YTHDC2: variants seen among roughly 807,000 people sequenced by gnomAD.
The protein encoded by YTHDC2 is 3'-5' RNA helicase YTHDC2.
Under a neutral mutation model 174.9 loss-of-function variants are expected in YTHDC2, and 45 were observed. That is an observed-to-expected ratio of 0.26 (90% CI 0.20 to 0.33). The LOEUF is 0.33. Ranked by LOEUF, YTHDC2 falls within the 10% of genes least tolerant of loss-of-function variation. YTHDC2 has a pLI of 1.00. For synonymous variants in YTHDC2, 657 were observed against 574.5 expected (o/e 1.14, Z -2.05); for missense variants, 1,650 against 1,723.7 (o/e 0.96, Z 0.76).
intron 4 of YTHDC2, among the ~76,000 whole-genome samples, chr5:113,529,499 T>C (rs1201234840): frequency 6.6e-6 from 1 of 152,180 alleles, no homozygotes; most frequent in African/African-American, 2.4e-5. Flanking sequence ...CATCTTTCTG[T>C]ACTGAAAGTA....
At chr5:113,584,630 T>G in intron 26 of YTHDC2, 151 bp downstream of exon 26, 1 of 656,990 alleles carries the variant, frequency 1.5e-6, no homozygotes, top group African/African-American at 1.8e-5. Flanking sequence ...ACAGTTTGAG[T>G]AAATTTTAAA....
At position 113,581,456 on chromosome 5, in the gene YTHDC2, A is replaced by G. The variant is rs143972697; in HGVS notation, c.3394A>G (p.Ser1132Gly). ...GCTGCAGCTCAGACAGAAGTGGCAT[A>G]GCTTATTTTTACGCCGAATGAGAGC... ...LLLQLRQKWH[S>G]LFLRRMRAPS... The change falls in exon 25 of 30, where the codon AGC (serine) becomes GGC (glycine). Residue 1132 changes from serine (S) to glycine (G), a missense_variant. By Grantham distance (56) the Ser-to-Gly change is moderately conservative. This residue lies in a region of YTHDC2 where 913 missense variants were observed against 940.4 expected (regional missense o/e 0.97). Coordinates refer to ENST00000161863, the MANE Select transcript of YTHDC2 (RefSeq NM_022828.5). The G allele has an allele frequency of 2.7e-5, 43 of 1,612,702 alleles. No homozygotes were observed. In the African/African-American group the frequency reaches 5.1e-4, roughly 19 times the overall value.
intron 18 of YTHDC2, 159 bp downstream of exon 18, chr5:113,561,344 C>A: frequency 2.3e-6 from 1 of 443,530 alleles, no homozygotes; most frequent in Non-Finnish European, 3.8e-6. Flanking sequence ...AATATTTTTT[C>A]TATATAAGAA....
intron 26 of YTHDC2, among the ~76,000 whole-genome samples, chr5:113,590,029 A>G (rs1000938890): frequency 2.6e-5 from 4 of 152,182 alleles, no homozygotes; most frequent in Non-Finnish European, 4.4e-5. Flanking sequence ...GTAAAGAGCT[A>G]GTAAAAATCT....
intron 16 of YTHDC2, among the ~76,000 whole-genome samples, chr5:113,555,689 A>G (rs983917465): frequency 1.3e-5 from 2 of 152,140 alleles, no homozygotes; most frequent in African/African-American, 4.8e-5. Context: ...TATTCTGCAC[A>G]GTGATGCAAA....
At chr5:113,526,508 CA>C (rs1397616331) in intron 3 of YTHDC2, 77 bp from the exon 4 acceptor site, 254 of 1,237,624 alleles carry the variant, frequency 2.1e-4, no homozygotes, top group South Asian at 3.9e-4. Flanking sequence ...CTAGGTTTGG[CA>C]AAAAAAATTA....
At chr5:113,577,593 C>A (rs1321850500) in intron 23 of YTHDC2, among the ~76,000 whole-genome samples, 1 of 152,152 alleles carries the variant, frequency 6.6e-6, no homozygotes, top group African/African-American at 2.4e-5. Context: ...TGGTCTCAAA[C>A]TTCTGTGCTC....
intron 5 of YTHDC2, among the ~76,000 whole-genome samples, chr5:113,533,948 T>C (rs1452859031): frequency 6.6e-6 from 1 of 152,210 alleles, no homozygotes; most frequent in African/African-American, 2.4e-5. Context: ...ACTCAGTATA[T>C]GTAGTATTAG....
chr5:113,545,722 A>G (rs1203325706), intron 10 of YTHDC2, among the ~76,000 whole-genome samples: 1 of 107,830 alleles, frequency 9.3e-6, no homozygotes, highest in Non-Finnish European at 1.8e-5. Flanking sequence ...AAAATAATTG[A>G]TCTCCATTTT....
intron 1 of YTHDC2, 144 bp downstream of exon 1, chr5:113,514,226 G>A (rs1479395210): frequency 9.4e-7 from 1 of 1,058,834 alleles, no homozygotes; most frequent in Non-Finnish European, 1.4e-6. Context: ...GGCCTCAGCG[G>A]CGGCACCCGG....
intron 23 of YTHDC2, among the ~76,000 whole-genome samples, chr5:113,575,048 G>A (rs1777957275): frequency 1.3e-5 from 2 of 149,240 alleles, no homozygotes. Context: ...CATTCTCCAT[G>A]GGTTGATTTG....
At chr5:113,518,559 G>A (rs1773645568) in intron 2 of YTHDC2, among the ~76,000 whole-genome samples, 1 of 3,010 alleles carries the variant, frequency 3.3e-4, no homozygotes, top group Non-Finnish European at 7.0e-4. Context: ...TAGTTTTCGT[G>A]TGTGTGTGTG....
intron 4 of YTHDC2, among the ~76,000 whole-genome samples, chr5:113,528,791 A>T (rs570056978): frequency 1.8e-4 from 28 of 152,254 alleles, no homozygotes; most frequent in African/African-American, 6.7e-4. Context: ...TTACAGGCAT[A>T]AGCCACCATG....
At chr5:113,585,324 G>A (rs1454537018) in intron 26 of YTHDC2, among the ~76,000 whole-genome samples, 7 of 152,032 alleles carry the variant, frequency 4.6e-5, no homozygotes, top group Non-Finnish European at 2.9e-5. Context: ...TGACTTTACT[G>A]TTTTAGTAGC....
chr5:113,544,058 G>C (rs1014342116), intron 10 of YTHDC2, among the ~76,000 whole-genome samples: 12 of 152,058 alleles, frequency 7.9e-5, no homozygotes, highest in African/African-American at 2.9e-4. Flanking sequence ...AACTACATGA[G>C]GGCAGAAACT....
intron 10 of YTHDC2, among the ~76,000 whole-genome samples, chr5:113,543,614 T>A (rs1775634727): frequency 1.3e-5 from 2 of 152,228 alleles, no homozygotes; most frequent in African/African-American, 4.8e-5. Context: ...TAAAGGAAAT[T>A]GGATCATTCC....
At chr5:113,579,770 T>G in intron 24 of YTHDC2, 75 bp downstream of exon 24, 1 of 1,393,112 alleles carries the variant, frequency 7.2e-7, no homozygotes, top group Non-Finnish European at 9.4e-7. Context: ...ATGATAAAAT[T>G]TTTTTCTTTA....
chr5:113,521,165 A>C (rs997119932), intron 2 of YTHDC2, among the ~76,000 whole-genome samples: 1 of 152,194 alleles, frequency 6.6e-6, no homozygotes, highest in Non-Finnish European at 1.5e-5. Flanking sequence ...CCAGTCTACC[A>C]TGGATCATAA....
At chr5:113,548,889 C>T in intron 11 of YTHDC2, 66 bp from the exon 12 acceptor site, 1 of 1,472,012 alleles carries the variant, frequency 6.8e-7, no homozygotes, top group Non-Finnish European at 9.3e-7. Context: ...TTGATGTTGC[C>T]CAGGCTCATC....
Sources: gnomAD v4.1 joint callset for allele counts (sites outside exome capture counted in the v4.1 genomes callset) on GRCh38, gnomAD v4.1.1 for gene constraint, gnomAD v4.1.1 regional missense constraint, MANE v1.5 for transcripts, NCBI Gene and HGNC (gene_info 2026-07-23, HGNC 2026-07-21) for gene names.